RHOJ: variants seen among roughly 807,000 people sequenced by gnomAD.
RHOJ encodes the protein ras homolog family member J.
RHOJ carries 11 observed loss-of-function variants against 23.4 expected under a neutral mutation model. The observed-to-expected ratio is 0.47, with a 90% CI of 0.30 to 0.78. The LOEUF is 0.78. RHOJ is among the 30% of genes least tolerant of loss of function. The probability of loss-of-function intolerance (pLI) is 0.08; values close to 1 mark genes in which losing one functional copy is unlikely to be tolerated. For synonymous variants in RHOJ, 102 were observed against 102.7 expected (o/e 0.99, Z 0.04); for missense variants, 254 against 273.4 (o/e 0.93, Z 0.50).
chr14:63,220,409 C>G (rs573424705), intron 1 of RHOJ, among the ~76,000 whole-genome samples: 1 of 151,132 alleles, frequency 6.6e-6, no homozygotes, highest in South Asian at 2.1e-4. Flanking sequence ...ACAAATTTAC[C>G]TATGTAACAA....
intron 1 of RHOJ, among the ~76,000 whole-genome samples, chr14:63,206,501 T>A (rs1303508012): frequency 6.6e-6 from 1 of 152,204 alleles, no homozygotes; most frequent in African/African-American, 2.4e-5. Context: ...CTCTACACCT[T>A]CTTTCTGCCA....
intron 1 of RHOJ, among the ~76,000 whole-genome samples, chr14:63,219,228 G>C (rs1381810771): frequency 6.6e-6 from 1 of 152,092 alleles, no homozygotes; most frequent in Non-Finnish European, 1.5e-5. Flanking sequence ...GCCCAGAAAA[G>C]AGCACCACAC....
rs1345589497 is a variant in RHOJ at position 63,283,218 on chromosome 14, T to C, written c.498+2T>C. 1 of 1,608,322 alleles carries C rather than the reference T, an allele frequency of 6.2e-7. No homozygotes were observed. Among genetic ancestry groups the C allele is most frequent in the Middle Eastern group, 1.6e-4 (1 of 6,074 alleles). ...CATGGTGTGAAGCTCGCAAAAGCGGTACAGTCAGATTTGAATTTCATTTTA... is the reference window on the plus strand; with the variant it reads ...CATGGTGTGAAGCTCGCAAAAGCGGCACAGTCAGATTTGAATTTCATTTTA... On this transcript the variant is annotated splice_donor_variant, in intron 4 of 4. Coordinates refer to ENST00000316754, the MANE Select transcript of RHOJ (RefSeq NM_020663.5). LOFTEE classifies it high-confidence loss of function.
chr14:63,221,650 G>A lies in RHOJ; in HGVS notation c.178+16603G>A, dbSNP rs569139133. On this transcript the variant is annotated intron_variant, in intron 1 of 4. Coordinates refer to ENST00000316754, the MANE Select transcript of RHOJ (RefSeq NM_020663.5). ...GAGTTCATTTTAAACTCCAAAATGA[G>A]AAATTTAAACTAGACAGTTTGAATA... 1.6e-3 allele frequency among the ~76,000 whole-genome samples: 245 copies of A among 152,278 alleles called. 1 individual carries two copies. The highest frequency in any genetic ancestry group is 5.8e-3 in the African/African-American group (241 of 41,556).
At position 63,283,151 on chromosome 14, in the gene RHOJ, G is replaced by A. The variant is rs140413941; in HGVS notation, c.433G>A (p.Ala145Thr). Residue 145 changes from alanine (A) to threonine (T), a missense_variant, in exon 4 of 5, where the codon GCC (alanine) becomes ACC (threonine). Physicochemically the swap from Ala to Thr is moderately conservative, Grantham distance 58 (BLOSUM62 0). Transcript: ENST00000316754. ...TCTCCGTGATGACCCAAAAACCTTG[G>A]CCCGTTTGCTGTATATGAAAGAGAA... ...IDLRDDPKTL[A>T]RLLYMKEKPL... The A allele has an allele frequency of 9.9e-6, 16 of 1,613,950 alleles. No individual in the cohort carries two copies. The highest frequency in any genetic ancestry group is 1.7e-5 in the Admixed American group (1 of 59,998).
chr14:63,218,487 G>T (rs1367048647), intron 1 of RHOJ, among the ~76,000 whole-genome samples: 1 of 152,134 alleles, frequency 6.6e-6, no homozygotes, highest in Non-Finnish European at 1.5e-5. Flanking sequence ...TTATAGTAAT[G>T]AATATGGTAT....
intron 1 of RHOJ, among the ~76,000 whole-genome samples, chr14:63,256,986 C>T (rs1452091507): frequency 4.0e-5 from 6 of 151,322 alleles, no homozygotes; most frequent in African/African-American, 1.5e-4. Context: ...GCAGGAGAAT[C>T]ACTTGAACCC....
intron 1 of RHOJ, among the ~76,000 whole-genome samples, chr14:63,266,387 T>A (rs1895367490): frequency 6.6e-6 from 1 of 152,172 alleles, no homozygotes; most frequent in Non-Finnish European, 1.5e-5. Flanking sequence ...TAGCCTGAAC[T>A]AGTTTTTCAG....
chr14:63,283,898 C>T (rs535976578), intron 4 of RHOJ, among the ~76,000 whole-genome samples: 1 of 152,270 alleles, frequency 6.6e-6, no homozygotes, highest in East Asian at 1.9e-4. Flanking sequence ...CTTTGCCTCC[C>T]CCATTACCCC....
chr14:63,213,282 T>C (rs1894279852), intron 1 of RHOJ, among the ~76,000 whole-genome samples: 1 of 152,196 alleles, frequency 6.6e-6, no homozygotes, highest in Non-Finnish European at 1.5e-5. Flanking sequence ...CCTTGCCCTC[T>C]TCCTTCCCTT....
At position 63,283,145 on chromosome 14, in the gene RHOJ, A is replaced by G; in HGVS notation, c.427A>G (p.Thr143Ala). 2 of 1,614,090 alleles carry G rather than the reference A, an allele frequency of 1.2e-6. No individual in the cohort carries two copies. Among genetic ancestry groups the G allele is most frequent in the Non-Finnish European group, 1.7e-6 (2 of 1,179,968 alleles). The change falls in exon 4 of 5, where the codon ACC becomes GCC. Residue 143 changes from threonine to alanine, a missense_variant. Transcript: ENST00000316754. ...TQIDLRDDPK[T>A]LARLLYMKEK... Reference sequence around the variant, plus strand: ...GATTGATCTCCGTGATGACCCAAAAACCTTGGCCCGTTTGCTGTATATGAA... The same window carrying G: ...GATTGATCTCCGTGATGACCCAAAAGCCTTGGCCCGTTTGCTGTATATGAA...
chr14:63,225,398 T>A (rs1171861985), intron 1 of RHOJ, among the ~76,000 whole-genome samples: 1 of 152,190 alleles, frequency 6.6e-6, no homozygotes, highest in Non-Finnish European at 1.5e-5. Context: ...TTATAAGCAA[T>A]CTCATCCCTA....
At chr14:63,215,504 G>C (rs1177122585) in intron 1 of RHOJ, among the ~76,000 whole-genome samples, 8 of 152,192 alleles carry the variant, frequency 5.3e-5, no homozygotes, top group Non-Finnish European at 1.2e-4. Flanking sequence ...CTAACATTAA[G>C]TAGCTGAGTA....
intron 1 of RHOJ, among the ~76,000 whole-genome samples, chr14:63,254,838 A>G (rs1432017884): frequency 6.6e-6 from 1 of 152,142 alleles, no homozygotes; most frequent in Non-Finnish European, 1.5e-5. Flanking sequence ...CATCTTTAAA[A>G]TTATGTCAGA....
chr14:63,240,133 G>T (rs1388972745), intron 1 of RHOJ, among the ~76,000 whole-genome samples: 1 of 152,150 alleles, frequency 6.6e-6, no homozygotes, highest in Non-Finnish European at 1.5e-5. Flanking sequence ...CCCTTAAAAG[G>T]TTGGATTTGT....
chr14:63,212,851 C>G (rs560074472), intron 1 of RHOJ, among the ~76,000 whole-genome samples: 1 of 152,268 alleles, frequency 6.6e-6, no homozygotes, highest in South Asian at 2.1e-4. Context: ...TGTCATTTTC[C>G]GGTCTCTTCA....
intron 2 of RHOJ, among the ~76,000 whole-genome samples, chr14:63,280,015 T>G (rs1293636466): frequency 6.6e-6 from 1 of 151,874 alleles, no homozygotes; most frequent in Non-Finnish European, 1.5e-5. Context: ...GAACTTTTGG[T>G]CTTTTGTTTT....
intron 1 of RHOJ, among the ~76,000 whole-genome samples, chr14:63,205,941 G>A (rs1393204462): frequency 1.3e-5 from 2 of 152,070 alleles, no homozygotes; most frequent in East Asian, 1.9e-4. Flanking sequence ...CAAGCTTATG[G>A]TAGCCTACAT....
At chr14:63,226,148 A>G (rs1435963784) in intron 1 of RHOJ, among the ~76,000 whole-genome samples, 2 of 152,198 alleles carry the variant, frequency 1.3e-5, no homozygotes, top group Non-Finnish European at 2.9e-5. Context: ...ATAAAGGAGG[A>G]AAAAATCAGC....
Sources: gnomAD v4.1 joint callset for allele counts (sites outside exome capture counted in the v4.1 genomes callset) on GRCh38, gnomAD v4.1.1 for gene constraint, MANE v1.5 for transcripts, NCBI Gene and HGNC (gene_info 2026-07-23, HGNC 2026-07-21) for gene names.